The following ADCK1 variants were observed in gnomAD, a reference collection of about 807,000 sequenced individuals.
ADCK1 encodes aarF domain containing kinase 1.
Under a neutral mutation model 52.3 loss-of-function variants are expected in ADCK1, and 41 were observed. That is an observed-to-expected ratio of 0.78 (90% CI 0.61 to 1.02). ADCK1 has a LOEUF of 1.02. Ranked by LOEUF, ADCK1 falls within the 50% of genes least tolerant of loss-of-function variation. ADCK1 has a pLI of 0.00. For missense variants in ADCK1, 658 were observed against 679.5 expected, an observed-to-expected ratio of 0.97 and a Z score of 0.35; for synonymous variants, 250 against 274.6, an observed-to-expected ratio of 0.91 and a Z score of 0.89.
At chr14:77,842,892 C>CTT (rs113174346) in intron 3 of ADCK1, among the ~76,000 whole-genome samples, 3 of 122,656 alleles carry the variant, frequency 2.4e-5, no homozygotes, top group South Asian at 4.9e-4. Flanking sequence ...TTCTTTCTTT[C>CTT]TTTTTTTTTT....
chr14:77,814,276 G>A (rs2081395181), intron 1 of ADCK1, among the ~76,000 whole-genome samples: 2 of 151,324 alleles, frequency 1.3e-5, no homozygotes, highest in Admixed American at 6.6e-5. Flanking sequence ...ATGGGGTTTC[G>A]CTATGTTGCC....
intron 3 of ADCK1, among the ~76,000 whole-genome samples, chr14:77,832,152 A>G (rs1234273108): frequency 1.3e-5 from 2 of 151,962 alleles, no homozygotes; most frequent in Non-Finnish European, 2.9e-5. Flanking sequence ...TAATTTTTGT[A>G]TTTTTAGTAG....
chr14:77,862,987 T>G (rs1485295082), intron 4 of ADCK1, among the ~76,000 whole-genome samples: 1 of 152,176 alleles, frequency 6.6e-6, no homozygotes, highest in African/African-American at 2.4e-5. Context: ...AGGAAGTGAT[T>G]ACTGATTAAT....
At chr14:77,926,209 A>C (rs569357277) in intron 9 of ADCK1, among the ~76,000 whole-genome samples, 1 of 152,334 alleles carries the variant, frequency 6.6e-6, no homozygotes, top group South Asian at 2.1e-4. Context: ...TGGAGGAAAC[A>C]GGTGCACATT....
At chr14:77,818,686 T>G (rs566692967) in intron 1 of ADCK1, among the ~76,000 whole-genome samples, 1 of 152,184 alleles carries the variant, frequency 6.6e-6, no homozygotes, top group Non-Finnish European at 1.5e-5. Flanking sequence ...TCACTGTCTT[T>G]CCCCATGTCT....
chr14:77,849,810 G>C (rs2082246403), intron 3 of ADCK1, among the ~76,000 whole-genome samples: 1 of 152,050 alleles, frequency 6.6e-6, no homozygotes, highest in African/African-American at 2.4e-5. Flanking sequence ...TTTATACTTT[G>C]GTTCCATTGT....
chr14:77,875,660 T>G (rs2082883532), intron 4 of ADCK1, among the ~76,000 whole-genome samples: 1 of 152,146 alleles, frequency 6.6e-6, no homozygotes, highest in Admixed American at 6.5e-5. Flanking sequence ...CTGGCCCCAC[T>G]GCTGTGTGTG....
chr14:77,829,484 A>G (rs1399011881), intron 3 of ADCK1, among the ~76,000 whole-genome samples: 1 of 150,982 alleles, frequency 6.6e-6, no homozygotes, highest in African/African-American at 2.4e-5. Flanking sequence ...ATTTGTAGAG[A>G]CAGAGTCTCA....
rs146281083 is a variant in ADCK1, at chr14:77,931,259, G to A, written c.1207-259G>A. On this transcript the variant is annotated intron_variant, in intron 9 of 10. Coordinates refer to ENST00000238561, the MANE Select transcript of ADCK1 (RefSeq NM_020421.4). ...GCCATGGAGAATAACCTGGTCTCTC[G>A]CAATGTATACTGTGTCACATCCAAC... Among the ~76,000 whole-genome samples, 270 of 152,280 alleles carry A rather than the reference G, an allele frequency of 1.8e-3. 1 individual carries two copies. The highest frequency in any genetic ancestry group is 6.2e-3 in the African/African-American group (258 of 41,572).
chr14:77,896,356 G>T (rs2083408312), intron 5 of ADCK1, among the ~76,000 whole-genome samples: 1 of 152,186 alleles, frequency 6.6e-6, no homozygotes, highest in African/African-American at 2.4e-5. Context: ...TCCACGTCTG[G>T]CCTATGGTAA....
chr14:77,927,071 C>CCT (rs2084214578), intron 9 of ADCK1, among the ~76,000 whole-genome samples: 1 of 152,170 alleles, frequency 6.6e-6, no homozygotes, highest in South Asian at 2.1e-4. Flanking sequence ...CCTCGTCTTC[C>CCT]TTACAGTGTG....
At chr14:77,899,501 G>A (rs556028423) in intron 6 of ADCK1, among the ~76,000 whole-genome samples, 12 of 152,274 alleles carry the variant, frequency 7.9e-5, no homozygotes, top group African/African-American at 2.6e-4. Flanking sequence ...TTGAATAATC[G>A]ACAACTACAA....
At chr14:77,825,484 G>C (rs966332486) in intron 3 of ADCK1, among the ~76,000 whole-genome samples, 2 of 152,092 alleles carry the variant, frequency 1.3e-5, no homozygotes, top group African/African-American at 4.8e-5. Flanking sequence ...TAGAAAGCAG[G>C]TATCAAAAAC....
At position 77,899,084 on chromosome 14, in the gene ADCK1, G is replaced by A. The variant is rs780762040; in HGVS notation, c.583-16G>A. On this transcript the variant is annotated splice_polypyrimidine_tract_variant and intron_variant, in intron 5 of 10. Coordinates refer to ENST00000238561, the MANE Select transcript of ADCK1 (RefSeq NM_020421.4). ...ATGCTGTGGGCCAAATGACTGGGGT[G>A]CTTGTTGGATTTCAGGTGCTCGTTC... The A allele has an allele frequency of 1.2e-6, 2 of 1,612,980 alleles. No individual in the cohort carries two copies. The highest frequency in any genetic ancestry group is 2.2e-5 in the South Asian group (2 of 91,012).
At chr14:77,907,709 G>A (rs1470627847) in intron 6 of ADCK1, 94 bp from the exon 7 acceptor site, 2 of 882,430 alleles carry the variant, frequency 2.3e-6, no homozygotes, top group Non-Finnish European at 3.5e-6. Flanking sequence ...TCTGGGAGGA[G>A]CCTCTGTTGC....
chr14:77,814,695 CAAAAAAAAAAAAAAAA>C (rs995163952), intron 1 of ADCK1, among the ~76,000 whole-genome samples: 5 of 35,924 alleles, frequency 1.4e-4, no homozygotes, highest in African/African-American at 4.9e-4. Context: ...AAGACACTCT[CAAAAAAAAAAAAAAAA>C]AAAAAAAAGA....
At chr14:77,830,095 A>T (rs542625534) in intron 3 of ADCK1, among the ~76,000 whole-genome samples, 2 of 151,474 alleles carry the variant, frequency 1.3e-5, no homozygotes, top group East Asian at 3.9e-4. Context: ...GTTATTTATT[A>T]AGCCTTTGGT....
chr14:77,824,445 T>A (rs1034134203), intron 3 of ADCK1, among the ~76,000 whole-genome samples: 4 of 150,202 alleles, frequency 2.7e-5, no homozygotes, highest in African/African-American at 7.4e-5. Flanking sequence ...TCTTTTTTTT[T>A]TTTTTTGAGA....
intron 4 of ADCK1, among the ~76,000 whole-genome samples, chr14:77,881,930 G>A (rs530036128): frequency 3.6e-4 from 55 of 152,294 alleles, no homozygotes; most frequent in Non-Finnish European, 6.5e-4. Flanking sequence ...AAAGGAGAGG[G>A]GCAGGAATTG....
Sources: gnomAD v4.1 joint callset for allele counts (sites outside exome capture counted in the v4.1 genomes callset) on GRCh38, gnomAD v4.1.1 for gene constraint, MANE v1.5 for transcripts, NCBI Gene and HGNC (gene_info 2026-07-23, HGNC 2026-07-21) for gene names.